CREB5: variants seen among roughly 807,000 people sequenced by gnomAD.
The protein encoded by CREB5 is cAMP responsive element binding protein 5, also known as cyclic AMP-responsive element-binding protein 5.
Under a neutral mutation model 57.1 loss-of-function variants are expected in CREB5, and 19 were observed. That is an observed-to-expected ratio of 0.33 (90% CI 0.23 to 0.49). The LOEUF is 0.49. Among genes scored for constraint, CREB5 ranks in the 20% least tolerant of loss-of-function variants. CREB5 has a pLI of 0.99. For synonymous variants in CREB5, 238 were observed against 238.3 expected, an observed-to-expected ratio of 1.00 and a Z score of 0.01; for missense variants, 579 against 671.6, an observed-to-expected ratio of 0.86 and a Z score of 1.52.
chr7:28,475,423 G>A (rs183364367), intron 1 of CREB5, among the ~76,000 whole-genome samples: 18 of 151,294 alleles, frequency 1.2e-4, no homozygotes, highest in African/African-American at 3.9e-4. Context: ...AGAAAAAGTA[G>A]CATTTTTAAA....
At chr7:28,455,097 A>G (rs1291404750) in intron 1 of CREB5, among the ~76,000 whole-genome samples, 1 of 152,250 alleles carries the variant, frequency 6.6e-6, no homozygotes, top group Non-Finnish European at 1.5e-5. Context: ...CAAAAGAAGT[A>G]GAAGGGGGCA....
intron 1 of CREB5, among the ~76,000 whole-genome samples, chr7:28,394,949 G>A (rs1267866042): frequency 6.6e-6 from 1 of 152,148 alleles, no homozygotes; most frequent in African/African-American, 2.4e-5. Context: ...TGACTTCTAT[G>A]TACTGGGAAA....
chr7:28,817,637 G>A (rs1238074580), intron 9 of CREB5, among the ~76,000 whole-genome samples: 1 of 152,130 alleles, frequency 6.6e-6, no homozygotes, highest in Non-Finnish European at 1.5e-5. Flanking sequence ...TATGTGCTGG[G>A]TATTGTTCTG....
At chr7:28,672,211 A>ACACACACG (rs1800087841) in intron 5 of CREB5, among the ~76,000 whole-genome samples, 2 of 151,910 alleles carry the variant, frequency 1.3e-5, no homozygotes, top group African/African-American at 4.8e-5. Context: ...ACACACACAC[A>ACACACACG]CACAAACACT....
At chr7:28,407,887 G>T (rs767547902), upstream of CREB5, among the ~76,000 whole-genome samples, 2 of 152,226 alleles carry the variant, frequency 1.3e-5, no homozygotes, top group Admixed American at 6.5e-5. Flanking sequence ...AAACTGCACC[G>T]TCATGGTTGT....
At chr7:28,787,096 TGAGAAG>T (rs1333289707) in intron 7 of CREB5, among the ~76,000 whole-genome samples, 2 of 152,094 alleles carry the variant, frequency 1.3e-5, no homozygotes, top group Non-Finnish European at 2.9e-5. Flanking sequence ...GCTGTGCAAA[TGAGAAG>T]GTTGGCAGAT....
intron 7 of CREB5, among the ~76,000 whole-genome samples, chr7:28,762,343 A>G (rs1206132609): frequency 6.6e-6 from 1 of 152,188 alleles, no homozygotes; most frequent in African/African-American, 2.4e-5. Flanking sequence ...TTCAGGTTAC[A>G]TTACTTTTAA....
chr7:28,640,549 T>C (rs1798612965), intron 5 of CREB5, among the ~76,000 whole-genome samples: 2 of 152,318 alleles, frequency 1.3e-5, no homozygotes, highest in East Asian at 1.9e-4. Context: ...TAAGAAAAAT[T>C]ACATAGAAAG....
At chr7:28,381,574 T>G (rs1786968329) in intron 1 of CREB5, among the ~76,000 whole-genome samples, 1 of 152,240 alleles carries the variant, frequency 6.6e-6, no homozygotes, top group African/African-American at 2.4e-5. Context: ...TGCCTAATTG[T>G]GAAGCATTAC....
At chr7:28,801,916 C>T (rs925251510) in intron 7 of CREB5, among the ~76,000 whole-genome samples, 2 of 151,450 alleles carry the variant, frequency 1.3e-5, no homozygotes, top group Non-Finnish European at 2.9e-5. Context: ...GAAACCCTGT[C>T]TCTACTAAAA....
chr7:28,532,473 G>A (rs1017901003), intron 4 of CREB5, among the ~76,000 whole-genome samples: 1 of 152,136 alleles, frequency 6.6e-6, no homozygotes, highest in Non-Finnish European at 1.5e-5. Flanking sequence ...ACAGCTCCTG[G>A]CACCCCAACC....
chr7:28,505,597 A>G (rs772653259), intron 3 of CREB5, among the ~76,000 whole-genome samples: 4 of 152,228 alleles, frequency 2.6e-5, no homozygotes, highest in Admixed American at 6.5e-5. Context: ...TACACACACA[A>G]CAGAGCCCTT....
chr7:28,592,672 G>A (rs1422628573), intron 5 of CREB5, among the ~76,000 whole-genome samples: 1 of 152,120 alleles, frequency 6.6e-6, no homozygotes, highest in Non-Finnish European at 1.5e-5. Flanking sequence ...GGAGGAGGTG[G>A]AGAAGCAAAA....
At chr7:28,666,925 C>A (rs1362445233) in intron 5 of CREB5, among the ~76,000 whole-genome samples, 1 of 150,158 alleles carries the variant, frequency 6.7e-6, no homozygotes, top group African/African-American at 2.5e-5. Flanking sequence ...AAGAGAGAGA[C>A]CCTTTCTTAG....
At chr7:28,796,713 A>T (rs1398345923) in intron 7 of CREB5, among the ~76,000 whole-genome samples, 1 of 152,222 alleles carries the variant, frequency 6.6e-6, no homozygotes, top group Non-Finnish European at 1.5e-5. Context: ...TTTCTCCAAT[A>T]GATTTCTTTA....
At chr7:28,474,673 G>A (rs1250009122) in intron 1 of CREB5, among the ~76,000 whole-genome samples, 1 of 152,140 alleles carries the variant, frequency 6.6e-6, no homozygotes, top group Admixed American at 6.5e-5. Context: ...TTAACTTGAT[G>A]TCACTATTTA....
At chr7:28,603,423 G>T (rs1796998102) in intron 5 of CREB5, among the ~76,000 whole-genome samples, 1 of 152,122 alleles carries the variant, frequency 6.6e-6, no homozygotes, top group South Asian at 2.1e-4. Flanking sequence ...TGATCACATT[G>T]AAAGTAAAAT....
At chr7:28,643,337 G>T (rs1324750653) in intron 5 of CREB5, among the ~76,000 whole-genome samples, 1 of 152,114 alleles carries the variant, frequency 6.6e-6, no homozygotes, top group East Asian at 1.9e-4. Context: ...TCACCGACAG[G>T]GTGAATTATA....
At chr7:28,446,280 G>A (rs760700860) in intron 1 of CREB5, among the ~76,000 whole-genome samples, 3 of 148,958 alleles carry the variant, frequency 2.0e-5, no homozygotes, top group Admixed American at 6.7e-5. Context: ...TGGAGCATTT[G>A]GAGCTAACTT....
Sources: gnomAD v4.1 joint callset for allele counts (sites outside exome capture counted in the v4.1 genomes callset) on GRCh38, gnomAD v4.1.1 for gene constraint, MANE v1.5 for transcripts, NCBI Gene and HGNC (gene_info 2026-07-23, HGNC 2026-07-21) for gene names.